The following STPG2 variants were observed in gnomAD, a reference collection of about 807,000 sequenced individuals.
STPG2 encodes sperm tail PG-rich repeat containing 2.
A neutral mutation model predicts 54.2 loss-of-function variants in STPG2; 56 were observed. The observed-to-expected ratio is 1.03, with a 90% CI of 0.83 to 1.29. The LOEUF is 1.29. Among genes scored for constraint, STPG2 ranks in the 50% most tolerant of loss-of-function variants. The pLI, the probability that STPG2 is intolerant of heterozygous loss-of-function variation, is 0.00. For missense variants in STPG2, 596 were observed against 544.9 expected, an observed-to-expected ratio of 1.09 and a Z score of -0.93; for synonymous variants, 200 against 181.8, an observed-to-expected ratio of 1.10 and a Z score of -0.81.
rs567619893 is a variant in STPG2 at position 97,484,194 on chromosome 4, CAGA to C, written c.462+228502_462+228504del. On this transcript the variant is annotated intron_variant, in intron 4 of 4. Transcript: ENST00000522676. ...AACAAGAACAAGTCAAACCCAAACC[CAGA>C]AGAAGAAAGGAAACATGAAAATCAG... 1.2e-4 allele frequency among the ~76,000 whole-genome samples: 18 copies of C among 151,408 alleles called. No homozygotes were observed. The East Asian group carries it at 3.5e-3, about 29-fold the overall frequency.
At chr4:97,948,227 C>T (rs1346759087) in intron 7 of STPG2, among the ~76,000 whole-genome samples, 1 of 151,832 alleles carries the variant, frequency 6.6e-6, no homozygotes, top group Non-Finnish European at 1.5e-5. Context: ...ATGGCTATCT[C>T]AAATGATCTT....
At chr4:97,725,338 TTA>T (rs1724586908) in intron 9 of STPG2, among the ~76,000 whole-genome samples, 1 of 151,848 alleles carries the variant, frequency 6.6e-6, no homozygotes, top group African/African-American at 2.4e-5. Context: ...AGATAAATAT[TTA>T]GTCTTTGTTT....
intron 8 of STPG2, among the ~76,000 whole-genome samples, chr4:97,919,774 C>G (rs1013491509): frequency 6.6e-6 from 1 of 152,058 alleles, no homozygotes; most frequent in Non-Finnish European, 1.5e-5. Flanking sequence ...CTAGTAAAAA[C>G]TCTTCCAGTG....
intron 4 of STPG2, chr4:97,441,708 C>G (rs1729086745): frequency 6.6e-6 from 1 of 151,846 alleles, no homozygotes; most frequent in African/African-American, 2.4e-5. Flanking sequence ...TCATTGATAT[C>G]AAGTAGTTCA....
At chr4:98,059,441 C>G (rs1560659832) in intron 5 of STPG2, among the ~76,000 whole-genome samples, 1 of 151,938 alleles carries the variant, frequency 6.6e-6, no homozygotes, top group Non-Finnish European at 1.5e-5. Context: ...AAGCTTAGTA[C>G]CTGATGGATT....
At chr4:98,122,662 C>G (rs1739712293) in intron 3 of STPG2, among the ~76,000 whole-genome samples, 1 of 152,038 alleles carries the variant, frequency 6.6e-6, no homozygotes, top group African/African-American at 2.4e-5. Flanking sequence ...ATCTCTCTGC[C>G]AGGTTTTGGT....
intron 9 of STPG2, among the ~76,000 whole-genome samples, chr4:97,738,375 C>T (rs982142119): frequency 7.9e-5 from 12 of 152,098 alleles, no homozygotes; most frequent in East Asian, 3.9e-4. Context: ...TAACTTTAAA[C>T]GTAAATGGAC....
Position 97,467,402 on chromosome 4 carries a change from T to C in STPG2, c.462+245297A>G, listed in dbSNP as rs555112523. 1.3e-4 allele frequency among the ~76,000 whole-genome samples: 19 copies of C among 151,770 alleles called. No homozygotes were observed. The East Asian group carries it at 2.9e-3, about 23-fold the overall frequency. ...TCCTTTATTCATATAGAAAAAAAAA[T>C]CCCAAGCATCATCATTCAATACTAA... is the stretch of plus-strand genomic sequence containing the variant. On this transcript the variant is annotated intron_variant, in intron 4 of 4. Transcript: ENST00000522676.
At chr4:98,045,990 A>ATATTGTTCTGCTGAGTAGTATC (rs70955906) in intron 5 of STPG2, among the ~76,000 whole-genome samples, 2 of 149,694 alleles carry the variant, frequency 1.3e-5, no homozygotes, top group Admixed American at 6.6e-5. Context: ...AATAATGTAT[A>ATATTGTTCTGCTGAGTAGTATC]CATTGTTCTG....
intron 5 of STPG2, among the ~76,000 whole-genome samples, chr4:97,994,775 G>A (rs184365624): frequency 2.0e-4 from 30 of 152,128 alleles, no homozygotes; most frequent in African/African-American, 6.5e-4. Context: ...TGTGTTGGTC[G>A]GCCCCAAGCT....
intron 5 of STPG2, among the ~76,000 whole-genome samples, chr4:98,097,956 TG>T (rs1164478230): frequency 6.6e-6 from 1 of 151,978 alleles, no homozygotes; most frequent in East Asian, 1.9e-4. Flanking sequence ...AAAACACTGA[TG>T]AAAGAAATTG....
At chr4:97,529,133 T>C (rs1018006062) in intron 4 of STPG2, among the ~76,000 whole-genome samples, 1 of 152,204 alleles carries the variant, frequency 6.6e-6, no homozygotes, top group Non-Finnish European at 1.5e-5. Context: ...CATAAATAGC[T>C]CTTATTATTT....
chr4:97,508,326 A>G (rs1401276794), intron 4 of STPG2, among the ~76,000 whole-genome samples: 1 of 152,136 alleles, frequency 6.6e-6, no homozygotes, highest in Admixed American at 6.6e-5. Context: ...ACCAGAGTTT[A>G]CCATATATTG....
chr4:97,800,479 G>A (rs1472271928), intron 9 of STPG2, among the ~76,000 whole-genome samples: 4 of 152,304 alleles, frequency 2.6e-5, no homozygotes, highest in African/African-American at 9.6e-5. Context: ...TATCAGCAGT[G>A]GAGGCTGCAG....
Position 97,699,820 on chromosome 4 carries a change from G to A in STPG2, c.1320+12879C>T, listed in dbSNP as rs549031211. Among the ~76,000 whole-genome samples, 63 of 152,306 alleles carry A rather than the reference G, an allele frequency of 4.1e-4. No individual in the cohort carries two copies. In the South Asian group the frequency reaches 0.012, roughly 29 times the overall value. ...GCCATCAGTGCAGGCTGGAGGAGAC[G>A]AGGCAGTGTGGCATCAGTGGAGACC... is the stretch of plus-strand genomic sequence containing the variant. On this transcript the variant is annotated intron_variant, in intron 10 of 10. Coordinates refer to ENST00000295268, the MANE Select transcript of STPG2 (RefSeq NM_174952.3).
At chr4:97,470,404 A>G (rs1004618130) in intron 4 of STPG2, among the ~76,000 whole-genome samples, 4 of 152,216 alleles carry the variant, frequency 2.6e-5, no homozygotes, top group African/African-American at 9.6e-5. Flanking sequence ...GGCACATTAT[A>G]TATTTTTCCT....
intron 10 of STPG2, among the ~76,000 whole-genome samples, chr4:97,703,222 A>G (rs1173786017): frequency 6.6e-6 from 1 of 151,716 alleles, no homozygotes; most frequent in African/African-American, 2.4e-5. Context: ...TCTCCATATT[A>G]TTAGAAGTAG....
intron 9 of STPG2, 116 bp downstream of exon 9, chr4:97,840,657 T>G (rs931022689): frequency 8.6e-7 from 1 of 1,159,516 alleles, no homozygotes; most frequent in African/African-American, 1.6e-5. Flanking sequence ...GGTTTTGTTA[T>G]ACATTATTTT....
chr4:98,080,764 T>C (rs1053186897), intron 5 of STPG2, among the ~76,000 whole-genome samples: 3 of 152,198 alleles, frequency 2.0e-5, no homozygotes, highest in African/African-American at 4.8e-5. Flanking sequence ...CTTCAAAACA[T>C]GCAACCAGCA....
Sources: gnomAD v4.1 joint callset for allele counts (sites outside exome capture counted in the v4.1 genomes callset) on GRCh38, gnomAD v4.1.1 for gene constraint, MANE v1.5 for transcripts, NCBI Gene and HGNC (gene_info 2026-07-23, HGNC 2026-07-21) for gene names.